The following SAMD4A variants were observed in gnomAD, a reference collection of about 807,000 sequenced individuals.
SAMD4A encodes sterile alpha motif domain containing 4A, also known as protein Smaug homolog 1.
SAMD4A carries 33 observed loss-of-function variants against 81.3 expected under a neutral mutation model. That is an observed-to-expected ratio of 0.41 (90% CI 0.31 to 0.54). The LOEUF (loss-of-function observed/expected upper bound fraction) is 0.54. Among genes scored for constraint, SAMD4A ranks in the 20% least tolerant of loss-of-function variants. The pLI is 0.37. For synonymous variants in SAMD4A, 389 were observed against 382.1 expected (o/e 1.02, Z -0.21); for missense variants, 854 against 951.1 (o/e 0.90, Z 1.34).
rs746311339 is a variant in SAMD4A, at chr14:54,776,535, A to G, written c.2039A>G (p.Gln680Arg). 6.4e-7 allele frequency: 1 copy of G among 1,565,468 alleles called. No homozygotes were observed. Among genetic ancestry groups the G allele is most frequent in the South Asian group, 1.2e-5 (1 of 84,234 alleles). Residue 680 changes from glutamine to arginine, a missense_variant, in exon 11 of 13, where the codon CAG becomes CGG. Transcript: ENST00000554335. The part of the protein sequence containing the change: ...TSPQNMLMFQ[Q>R]PEFQLPVTEP... ...CCACAGAACATGCTGATGTTCCAGCAGCCAGGTAGGGCCCGGCGCTTCATG... is the reference window on the plus strand; with the variant it reads ...CCACAGAACATGCTGATGTTCCAGCGGCCAGGTAGGGCCCGGCGCTTCATG...
intron 3 of SAMD4A, among the ~76,000 whole-genome samples, chr14:54,733,779 G>A (rs2037619094): frequency 6.6e-6 from 1 of 151,788 alleles, no homozygotes; most frequent in African/African-American, 2.4e-5. Context: ...GCACCACACT[G>A]CTAAGCTTCT....
intron 2 of SAMD4A, chr14:54,688,101 C>A (rs919437611): frequency 9.1e-6 from 9 of 985,422 alleles, no homozygotes; most frequent in Middle Eastern, 5.2e-4. Flanking sequence ...TTTCACCTAA[C>A]ACCTGGTTCA....
intron 12 of SAMD4A, among the ~76,000 whole-genome samples, chr14:54,785,027 T>C (rs2139986981): frequency 6.6e-6 from 1 of 152,354 alleles, no homozygotes; most frequent in Non-Finnish European, 1.5e-5. Context: ...TTCCCTTCTC[T>C]GCACTAGATC....
chr14:54,710,512 A>G (rs577358356), intron 3 of SAMD4A, among the ~76,000 whole-genome samples: 3 of 152,198 alleles, frequency 2.0e-5, no homozygotes, highest in African/African-American at 7.2e-5. Flanking sequence ...GAACCTAGGC[A>G]GTGAGGCCCC....
At chr14:54,648,036 G>A (rs1446151782) in intron 2 of SAMD4A, among the ~76,000 whole-genome samples, 1 of 152,252 alleles carries the variant, frequency 6.6e-6, no homozygotes, top group African/African-American at 2.4e-5. Context: ...AATGTGCTTA[G>A]TGCAGCTGAA....
intron 11 of SAMD4A, chr14:54,784,328 G>A (rs779363334): frequency 2.8e-5 from 44 of 1,548,720 alleles, no homozygotes; most frequent in East Asian, 1.5e-4. Flanking sequence ...TTTAGTCTCC[G>A]TTTTGTTCCA....
At position 54,675,575 on chromosome 14, in the gene SAMD4A, T is replaced by A. The variant is rs993179420; in HGVS notation, c.197-26487T>A. On this transcript the variant is annotated intron_variant, in intron 2 of 12. Coordinates refer to ENST00000554335, the MANE Select transcript of SAMD4A (RefSeq NM_015589.6). Reference sequence around the variant, plus strand: ...GGGGAGAGCTTCAAAGTCTTTACTTTGTTACTAAATGTGAGATTTAGGAAC... The same window carrying A: ...GGGGAGAGCTTCAAAGTCTTTACTTAGTTACTAAATGTGAGATTTAGGAAC... 2.0e-5 allele frequency among the ~76,000 whole-genome samples: 3 copies of A among 152,212 alleles called. No individual in the cohort carries two copies. In the South Asian group the frequency reaches 6.2e-4, roughly 32 times the overall value.
At chr14:54,716,311 G>A (rs1243447990) in intron 3 of SAMD4A, among the ~76,000 whole-genome samples, 1 of 152,144 alleles carries the variant, frequency 6.6e-6, no homozygotes, top group Non-Finnish European at 1.5e-5. Flanking sequence ...GGCCTCGATC[G>A]ATAGGTAGAG....
rs1278964075 is a variant in SAMD4A at position 54,757,414 on chromosome 14, TGTGTGTGTG to T, written c.1177-2746_1177-2738del. ...GTGTGTGTGTGTGTGTGTGTGTGTG[TGTGTGTGTG>T]TGTGTTTTGTTTTGTTTTGTTTGGT... On this transcript the variant is annotated intron_variant, in intron 6 of 12. Coordinates refer to ENST00000554335, the MANE Select transcript of SAMD4A (RefSeq NM_015589.6). Among the ~76,000 whole-genome samples, 653 of 147,784 alleles carry T rather than the reference TGTGTGTGTG, an allele frequency of 4.4e-3. 4 individuals carry two copies. The highest frequency in any genetic ancestry group is 0.016 in the African/African-American group (619 of 38,834).
At chr14:54,671,726 G>T (rs1166140631) in intron 2 of SAMD4A, among the ~76,000 whole-genome samples, 2 of 152,232 alleles carry the variant, frequency 1.3e-5, no homozygotes, top group African/African-American at 4.8e-5. Context: ...TCTCAGAGTA[G>T]GTTTCTACAT....
chr14:54,614,039 T>C (rs970470777), intron 2 of SAMD4A, among the ~76,000 whole-genome samples: 1 of 152,218 alleles, frequency 6.6e-6, no homozygotes, highest in African/African-American at 2.4e-5. Context: ...TACTGCTTCC[T>C]TTTCCATCTA....
chr14:54,628,714 A>G (rs1329812601), intron 2 of SAMD4A, among the ~76,000 whole-genome samples: 4 of 152,198 alleles, frequency 2.6e-5, no homozygotes, highest in Non-Finnish European at 5.9e-5. Flanking sequence ...ATGTGCTGCT[A>G]TTTTACAGAT....
intron 2 of SAMD4A, chr14:54,695,010 C>T: frequency 1.4e-6 from 1 of 703,076 alleles, no homozygotes; most frequent in Non-Finnish European, 1.7e-6. Flanking sequence ...CTTTGAATGA[C>T]CAGCACCTGA....
intron 8 of SAMD4A, 123 bp from the exon 9 acceptor site, chr14:54,769,981 G>A: frequency 1.5e-6 from 1 of 683,880 alleles, no homozygotes; most frequent in East Asian, 2.5e-5. Flanking sequence ...TTTGGACCAG[G>A]TTAGAAACAG....
At chr14:54,743,124 G>A (rs2037885295) in intron 4 of SAMD4A, among the ~76,000 whole-genome samples, 2 of 152,184 alleles carry the variant, frequency 1.3e-5, no homozygotes, top group African/African-American at 4.8e-5. Flanking sequence ...AGATACAGCA[G>A]TTCTGAGGGT....
intron 2 of SAMD4A, among the ~76,000 whole-genome samples, chr14:54,662,786 G>C (rs2035672558): frequency 6.6e-6 from 1 of 152,092 alleles, no homozygotes; most frequent in Non-Finnish European, 1.5e-5. Context: ...GGCTCCCTCA[G>C]CACAGGGTGT....
chr14:54,627,304 G>A (rs767092007), intron 2 of SAMD4A, among the ~76,000 whole-genome samples: 1 of 152,144 alleles, frequency 6.6e-6, no homozygotes, highest in Non-Finnish European at 1.5e-5. Context: ...ACTCCCCTAA[G>A]ATGTGAGTCC....
At chr14:54,724,007 T>TGGAAAGAAGGAAGGAA (rs1555347510) in intron 3 of SAMD4A, among the ~76,000 whole-genome samples, 3 of 124,252 alleles carry the variant, frequency 2.4e-5, no homozygotes, top group African/African-American at 9.0e-5. Flanking sequence ...GATGGATGGA[T>TGGAAAGAAGGAAGGAA]GGAAGGAAGG....
chr14:54,787,901 A>G (rs772335853), intron 12 of SAMD4A, among the ~76,000 whole-genome samples: 31 of 152,170 alleles, frequency 2.0e-4, no homozygotes, highest in Admixed American at 3.9e-4. Flanking sequence ...GCTCTTGTTC[A>G]TGGTATGCAA....
Sources: gnomAD v4.1 joint callset for allele counts (sites outside exome capture counted in the v4.1 genomes callset) on GRCh38, gnomAD v4.1.1 for gene constraint, MANE v1.5 for transcripts, NCBI Gene and HGNC (gene_info 2026-07-23, HGNC 2026-07-21) for gene names.